Variants in TSPEAR observed in about 807,000 individuals in gnomAD.
TSPEAR encodes the protein thrombospondin-type laminin G domain and EAR repeat-containing protein.
Under a neutral mutation model 71.6 loss-of-function variants are expected in TSPEAR, and 69 were observed. That is an observed-to-expected ratio of 0.96 (90% CI 0.79 to 1.18). TSPEAR has a LOEUF of 1.18. TSPEAR is among the 50% of genes most tolerant of loss of function. The pLI is 0.00. For missense variants in TSPEAR, 971 were observed against 894.9 expected (o/e 1.09, Z -1.09); for synonymous variants, 402 against 387.2 (o/e 1.04, Z -0.45).
At chr21:44,661,930 G>C (rs1555943748) in intron 1 of TSPEAR, among the ~76,000 whole-genome samples, 3 of 152,182 alleles carry the variant, frequency 2.0e-5, no homozygotes, top group African/African-American at 7.2e-5. Flanking sequence ...CAACACTGGA[G>C]ATTACAATTC....
In TSPEAR at chr21:44,623,608, C is replaced by T. The variant is rs1025826285; in HGVS notation, c.83-55603G>A. Reference sequence around the variant, plus strand: ...CTTTTTATTTTCTGTAGTGCAGATCCTACTGGTGACACAACCTCTCAGCAT... The same window carrying T: ...CTTTTTATTTTCTGTAGTGCAGATCTTACTGGTGACACAACCTCTCAGCAT... On this transcript the variant is annotated intron_variant, in intron 1 of 11. Coordinates refer to ENST00000323084, the MANE Select transcript of TSPEAR (RefSeq NM_144991.3). This position sits in a 1 kb window ranked among gnomAD's most constrained non-coding sequence, Gnocchi z 4.5. 6.6e-6 allele frequency among the ~76,000 whole-genome samples: 1 copy of T among 152,098 alleles called. No individual in the cohort carries two copies. Among genetic ancestry groups the T allele is most frequent in the African/African-American group, 2.4e-5 (1 of 41,392 alleles).
chr21:44,553,813 A>G (rs977245439), intron 2 of TSPEAR, among the ~76,000 whole-genome samples: 2 of 152,192 alleles, frequency 1.3e-5, no homozygotes, highest in South Asian at 2.1e-4. Context: ...CTGGAAATGA[A>G]CTGCCTCAGG....
At chr21:44,689,708 AATGAATATATATATATAT>A (rs1293501146) in intron 1 of TSPEAR, among the ~76,000 whole-genome samples, 664 of 38,496 alleles carry the variant, frequency 0.017, 71 homozygotes, top group Admixed American at 0.047. Flanking sequence ...GACAGAATAG[AATGAATATATATATATAT>A]ATATATATAT....
intron 1 of TSPEAR, among the ~76,000 whole-genome samples, chr21:44,615,624 A>C (rs1982038856): frequency 6.9e-6 from 1 of 145,768 alleles, no homozygotes; most frequent in South Asian, 2.2e-4. Flanking sequence ...ACATGGCGGC[A>C]CCTCCCCCGG....
chr21:44,609,003 C>T (rs781859889), intron 1 of TSPEAR, among the ~76,000 whole-genome samples: 8 of 152,156 alleles, frequency 5.3e-5, no homozygotes, highest in African/African-American at 1.4e-4. Flanking sequence ...ACAAATAACA[C>T]GTTGTAGAAT....
At chr21:44,628,068 G>A (rs782427632) in intron 1 of TSPEAR, 5 of 1,599,312 alleles carry the variant, frequency 3.1e-6, no homozygotes, top group Non-Finnish European at 3.4e-6. Flanking sequence ...GTCCCCCAGG[G>A]CCAGCCGGGC....
chr21:44,647,082 C>G lies in TSPEAR; in HGVS notation c.82+64351G>C, dbSNP rs782563110. ...AGCCCATCTGCTGTGTGCCTGTCTG[C>G]TCTAGGGCTTCCTCTTCACGCTGCC... On this transcript the variant is annotated intron_variant, in intron 1 of 11. Coordinates refer to ENST00000323084, the MANE Select transcript of TSPEAR (RefSeq NM_144991.3). 21 of 1,613,694 alleles carry G rather than the reference C, an allele frequency of 1.3e-5. No homozygotes were observed. Among genetic ancestry groups the G allele is most frequent in the Non-Finnish European group, 1.8e-5 (21 of 1,179,914 alleles).
intron 1 of TSPEAR, among the ~76,000 whole-genome samples, chr21:44,576,959 C>T (rs1978499378): frequency 6.6e-6 from 1 of 152,040 alleles, no homozygotes; most frequent in South Asian, 2.1e-4. Context: ...TGCTTGGCCA[C>T]ACAGAATTGG....
chr21:44,588,787 G>A (rs9680274), intron 1 of TSPEAR, among the ~76,000 whole-genome samples: 5,474 of 147,496 alleles, frequency 0.037, 205 homozygotes, highest in African/African-American at 0.093. Context: ...ATGTGTGTGT[G>A]TATATATATA....
intron 1 of TSPEAR, among the ~76,000 whole-genome samples, chr21:44,609,307 A>C (rs782276523): frequency 2.0e-5 from 3 of 152,256 alleles, no homozygotes; most frequent in African/African-American, 4.8e-5. Context: ...CTAAGCTATC[A>C]ATCAAATGGA....
At chr21:44,697,157 C>T (rs373709767) in intron 1 of TSPEAR, 24 of 1,595,782 alleles carry the variant, frequency 1.5e-5, no homozygotes, top group Admixed American at 1.7e-5. Context: ...TCACTGTCTC[C>T]CTCTCAGCTC....
chr21:44,624,708 T>C (rs13051885), intron 1 of TSPEAR, among the ~76,000 whole-genome samples: 92,213 of 152,042 alleles, frequency 0.61, 28,573 homozygotes, highest in African/African-American at 0.74. Flanking sequence ...GAATCCCTCC[T>C]CCTTGTCAGG....
At chr21:44,615,940 C>A (rs1982064069) in intron 1 of TSPEAR, among the ~76,000 whole-genome samples, 1 of 152,216 alleles carries the variant, frequency 6.6e-6, no homozygotes, top group African/African-American at 2.4e-5. Context: ...GAGACAACTA[C>A]TTCAGGCGGG....
intron 2 of TSPEAR, among the ~76,000 whole-genome samples, chr21:44,534,432 A>G (rs1340290779): frequency 3.2e-4 from 2 of 6,220 alleles, no homozygotes; most frequent in African/African-American, 6.6e-4. Context: ...GTGAGGGGGC[A>G]GGGTTGGTGT....
chr21:44,692,663 AG>A (rs1987167953), intron 1 of TSPEAR, among the ~76,000 whole-genome samples: 1 of 152,204 alleles, frequency 6.6e-6, no homozygotes, highest in African/African-American at 2.4e-5. Flanking sequence ...AGGAGGTAAG[AG>A]ACTTGTACAA....
chr21:44,597,357 T>C (rs1980428001), intron 1 of TSPEAR, among the ~76,000 whole-genome samples: 1 of 152,058 alleles, frequency 6.6e-6, no homozygotes, highest in Admixed American at 6.5e-5. Flanking sequence ...GCATTTTAGT[T>C]AGTGTTTGTG....
At position 44,612,249 on chromosome 21, in the gene TSPEAR, G is replaced by T; in HGVS notation, c.83-44244C>A. On this transcript the variant is annotated intron_variant, in intron 1 of 11. Coordinates refer to ENST00000323084, the MANE Select transcript of TSPEAR (RefSeq NM_144991.3). This position sits in a 1 kb window ranked among gnomAD's most constrained non-coding sequence, Gnocchi z 4.1. ...CAGGTGGACAATTGCCAGGAAAGCT[G>T]CTGCGAGCCCCGCTCCTGTGCCTCC... 1.4e-5 allele frequency: 23 copies of T among 1,613,626 alleles called. No individual in the cohort carries two copies. The highest frequency in any genetic ancestry group is 1.9e-5 in the Non-Finnish European group (23 of 1,179,988).
At chr21:44,586,792 A>C (rs1018747442) in intron 1 of TSPEAR, among the ~76,000 whole-genome samples, 1 of 152,228 alleles carries the variant, frequency 6.6e-6, no homozygotes, top group Non-Finnish European at 1.5e-5. Context: ...TAAAAACAAA[A>C]ATCACATGAT....
rs201447603 is a variant in TSPEAR, at chr21:44,573,497, A to G, written c.83-5492T>C. ...CCTCAGCTCTTCCTCCTGAGTCTAA[A>G]ACACGCACATGCGCCCCAGGCCAAT... On this transcript the variant is annotated intron_variant, in intron 1 of 11. Transcript: ENST00000323084. Among the ~76,000 whole-genome samples the G allele has an allele frequency of 1.1e-4, 17 of 152,280 alleles. No individual in the cohort carries two copies. In the East Asian group the frequency reaches 3.3e-3, roughly 29 times the overall value.
Sources: gnomAD v4.1 joint callset for allele counts (sites outside exome capture counted in the v4.1 genomes callset) on GRCh38, gnomAD v4.1.1 for gene constraint, Gnocchi (gnomAD v3.1) non-coding constraint, MANE v1.5 for transcripts, NCBI Gene and HGNC (gene_info 2026-07-23, HGNC 2026-07-21) for gene names.